Variants in CFAP77 observed in about 807,000 individuals in gnomAD.
CFAP77 encodes cilia- and flagella-associated protein 77.
CFAP77 carries 25 observed loss-of-function variants against 31.1 expected under a neutral mutation model. That is an observed-to-expected ratio of 0.80 (90% CI 0.59 to 1.12). The LOEUF (loss-of-function observed/expected upper bound fraction) is 1.12, where lower values mean the gene tolerates loss of function less well. Among genes scored for constraint, CFAP77 ranks in the 50% most tolerant of loss-of-function variants. The pLI, the probability that CFAP77 is intolerant of heterozygous loss-of-function variation, is 0.00. For synonymous variants in CFAP77, 151 were observed against 159.9 expected (o/e 0.94, Z 0.42); for missense variants, 377 against 397.3 (o/e 0.95, Z 0.44).
At chr9:132,555,561 A>G (rs1852889655) in intron 5 of CFAP77, among the ~76,000 whole-genome samples, 1 of 152,250 alleles carries the variant, frequency 6.6e-6, no homozygotes, top group Non-Finnish European at 1.5e-5. Flanking sequence ...AAGCACTGTC[A>G]GGTAAATTTC....
At chr9:132,427,625 A>G (rs1761370320) in intron 1 of CFAP77, among the ~76,000 whole-genome samples, 1 of 152,096 alleles carries the variant, frequency 6.6e-6, no homozygotes, top group Non-Finnish European at 1.5e-5. Context: ...AAAAAAAAAC[A>G]ACAACAAAAA....
intron 1 of CFAP77, among the ~76,000 whole-genome samples, chr9:132,415,426 C>T (rs1850079235): frequency 6.6e-6 from 1 of 152,358 alleles, no homozygotes; most frequent in East Asian, 1.9e-4. Flanking sequence ...ACCGGCTCGT[C>T]ACCACCCTGG....
chr9:132,443,234 A>C (rs1850646529), intron 1 of CFAP77, among the ~76,000 whole-genome samples: 1 of 151,282 alleles, frequency 6.6e-6, no homozygotes, highest in South Asian at 2.1e-4. Flanking sequence ...AAAATAAAAA[A>C]GTTTTTTTTT....
intron 5 of CFAP77, among the ~76,000 whole-genome samples, chr9:132,544,503 T>C (rs997269152): frequency 1.3e-5 from 2 of 150,948 alleles, no homozygotes; most frequent in African/African-American, 4.9e-5. Context: ...TTTTTTTTTT[T>C]TTTTTTTTTT....
intron 1 of CFAP77, among the ~76,000 whole-genome samples, chr9:132,467,867 T>C (rs1851182001): frequency 1.3e-5 from 2 of 152,142 alleles, no homozygotes; most frequent in African/African-American, 4.8e-5. Flanking sequence ...TGTTATTTTC[T>C]GGGTTTGGTT....
In CFAP77 at chr9:132,495,840, C is replaced by T. The variant is rs554883079; in HGVS notation, c.196-2855C>T. On this transcript the variant is annotated intron_variant, in intron 1 of 5. Transcript: ENST00000393216. The surrounding 1 kb of genome is among the most constrained non-coding windows in gnomAD (Gnocchi z 4.2). ...AGAAAGCTAACTCTATCTCTGCTCT[C>T]TGCCACGTGAAGATACAACAAGAAG... 1.2e-4 allele frequency among the ~76,000 whole-genome samples: 19 copies of T among 152,338 alleles called. No individual in the cohort carries two copies. In the South Asian group the frequency reaches 3.9e-3, roughly 32 times the overall value.
rs1850133351 is a variant in CFAP77, at chr9:132,417,890, C to CG, written c.195+7424_195+7425insG. ...TCCACCCAAGTGCTTACATTTTCCC[C>CG]CTTCTGCTCTCACTGAAAAATACTG... is the stretch of plus-strand genomic sequence containing the variant. On this transcript the variant is annotated intron_variant, in intron 1 of 5. Transcript: ENST00000393216. Among the ~76,000 whole-genome samples the CG allele has an allele frequency of 9.7e-4, 8 of 8,210 alleles. No individual in the cohort carries two copies. The South Asian group carries it at 0.24, about 241-fold the overall frequency. The allele number at this position is 8,210 out of a possible 152,430, so 5.4% of individuals were successfully genotyped here.
chr9:132,475,336 T>C (rs2118887092), intron 1 of CFAP77, among the ~76,000 whole-genome samples: 1 of 152,346 alleles, frequency 6.6e-6, no homozygotes, highest in Non-Finnish European at 1.5e-5. Context: ...AAATAGACAC[T>C]GGGCCTGAGC....
Position 132,554,403 on chromosome 9 carries a change from G to A in CFAP77, c.732+11356G>A, listed in dbSNP as rs1330493116. On this transcript the variant is annotated intron_variant, in intron 5 of 5. Transcript: ENST00000393216. The surrounding 1 kb of genome is among the most constrained non-coding windows in gnomAD (Gnocchi z 4.1). The stretch of plus-strand genomic sequence containing the variant: ...ACTCTGTCACCCAGGCTGGAGCACA[G>A]TGGCACAATCACAGCCTCAACTTCC... 6.6e-6 allele frequency among the ~76,000 whole-genome samples: 1 copy of A among 151,790 alleles called. No homozygotes were observed. Among genetic ancestry groups the A allele is most frequent in the Non-Finnish European group, 1.5e-5 (1 of 67,996 alleles).
intron 1 of CFAP77, among the ~76,000 whole-genome samples, chr9:132,418,438 A>AC (rs1332600530): frequency 6.6e-6 from 1 of 152,208 alleles, no homozygotes; most frequent in Non-Finnish European, 1.5e-5. Context: ...GTTATCCTTC[A>AC]CCCGTGGTTC....
chr9:132,410,336 G>T lies in CFAP77; in HGVS notation c.65G>T (p.Arg22Leu). 6.3e-7 allele frequency: 1 copy of T among 1,598,466 alleles called. No homozygotes were observed. The highest frequency in any genetic ancestry group is 8.5e-7 in the Non-Finnish European group (1 of 1,173,776). ...TGGAGGAAGCAGCAGCAGCCTGTGC[G>T]CCGCACGGTCAGCCAGGTCTGCCCG... The part of the protein sequence containing the change: ...TRWRKQQQPV[R>L]RTVSQVCPPP... Residue 22 changes from arginine to leucine, a missense_variant, in exon 1 of 6, where the codon CGC becomes CTC. Coordinates refer to ENST00000393216, the MANE Select transcript of CFAP77 (RefSeq NM_001282957.2).
intron 1 of CFAP77, among the ~76,000 whole-genome samples, chr9:132,478,203 C>G (rs1851383122): frequency 6.6e-6 from 1 of 151,960 alleles, no homozygotes; most frequent in Non-Finnish European, 1.5e-5. Flanking sequence ...CTGATTTTAG[C>G]CTGTAGCTTT....
chr9:132,433,625 G>A (rs1392029661), intron 1 of CFAP77, among the ~76,000 whole-genome samples: 1 of 151,330 alleles, frequency 6.6e-6, no homozygotes, highest in Non-Finnish European at 1.5e-5. Context: ...TTGGCTCACT[G>A]CAACCTCCGC....
chr9:132,549,651 A>G lies in CFAP77; in HGVS notation c.732+6604A>G, dbSNP rs937015480. Among the ~76,000 whole-genome samples, 14 of 152,314 alleles carry G rather than the reference A, an allele frequency of 9.2e-5. No individual in the cohort carries two copies. In the East Asian group the frequency reaches 2.7e-3, roughly 29 times the overall value. ...TCAGGAGTTTGAGACCAGCCTGGTC[A>G]ATATGGTGAAACTCTGTTTCTACTA... On this transcript the variant is annotated intron_variant, in intron 5 of 5. Coordinates refer to ENST00000393216, the MANE Select transcript of CFAP77 (RefSeq NM_001282957.2).
At chr9:132,549,158 C>T (rs1852782462) in intron 5 of CFAP77, among the ~76,000 whole-genome samples, 1 of 152,196 alleles carries the variant, frequency 6.6e-6, no homozygotes, top group South Asian at 2.1e-4. Context: ...CTCTGCTACA[C>T]CCCCCAAGCG....
At chr9:132,448,649 C>T (rs1850768371) in intron 1 of CFAP77, among the ~76,000 whole-genome samples, 1 of 152,122 alleles carries the variant, frequency 6.6e-6, no homozygotes, top group Admixed American at 6.6e-5. Context: ...TGCAATGGTG[C>T]AATCTCGGCT....
At chr9:132,519,091 C>T (rs560596807) in intron 3 of CFAP77, among the ~76,000 whole-genome samples, 1 of 151,990 alleles carries the variant, frequency 6.6e-6, no homozygotes, top group East Asian at 2.0e-4. Flanking sequence ...CTCTGTGACC[C>T]CAGAGGGCAG....
chr9:132,423,344 T>TC, intron 1 of CFAP77, among the ~76,000 whole-genome samples: 1 of 152,098 alleles, frequency 6.6e-6, no homozygotes, highest in Admixed American at 6.5e-5. Flanking sequence ...GAGCCTGGAG[T>TC]CTGGGTTTCC....
chr9:132,530,925 A>T (rs4962188), intron 3 of CFAP77, among the ~76,000 whole-genome samples: 76,572 of 152,010 alleles, frequency 0.5, 21,020 homozygotes, highest in African/African-American at 0.74. Flanking sequence ...AAATCTGTGA[A>T]CCATTTGAGT....
Sources: allele counts gnomAD v4.1 joint callset (sites outside exome capture counted in the v4.1 genomes callset), GRCh38; gene constraint gnomAD v4.1.1; non-coding constraint Gnocchi (gnomAD v3.1); transcripts MANE v1.5; gene names NCBI Gene and HGNC (gene_info 2026-07-23, HGNC 2026-07-21).